ANKS1B: variants seen among roughly 807,000 people sequenced by gnomAD.
ANKS1B encodes ankyrin repeat and sterile alpha motif domain-containing protein 1B.
A neutral mutation model predicts 148.3 loss-of-function variants in ANKS1B; 36 were observed. The observed-to-expected ratio is 0.24, with a 90% CI of 0.19 to 0.32. ANKS1B has a LOEUF of 0.32. Ranked by LOEUF, ANKS1B falls within the 10% of genes least tolerant of loss-of-function variation. ANKS1B has a pLI of 1.00. For missense variants in ANKS1B, 1,157 were observed against 1,542.6 expected, an observed-to-expected ratio of 0.75 and a Z score of 4.19; for synonymous variants, 542 against 560.8, an observed-to-expected ratio of 0.97 and a Z score of 0.47.
chr12:99,872,273 A>G (rs142312062), intron 1 of ANKS1B, among the ~76,000 whole-genome samples: 64 of 152,238 alleles, frequency 4.2e-4, no homozygotes, highest in Middle Eastern at 6.8e-3. Context: ...TATACCAGTT[A>G]GAAAGAAGCA....
At chr12:99,776,525 T>C (rs1043013780) in intron 6 of ANKS1B, among the ~76,000 whole-genome samples, 1 of 152,208 alleles carries the variant, frequency 6.6e-6, no homozygotes, top group Non-Finnish European at 1.5e-5. Flanking sequence ...CATCTGAATG[T>C]AGAAATAAAT....
chr12:99,079,186 G>C (rs1017438836), intron 16 of ANKS1B, among the ~76,000 whole-genome samples: 2 of 152,142 alleles, frequency 1.3e-5, no homozygotes, highest in African/African-American at 4.8e-5. Flanking sequence ...CATTGTACCT[G>C]GATTCCTGAC....
Position 99,668,034 on chromosome 12 carries a change from T to A in ANKS1B, c.1129-12824A>T, listed in dbSNP as rs183369673. 6.6e-5 allele frequency among the ~76,000 whole-genome samples: 10 copies of A among 152,300 alleles called. No individual in the cohort carries two copies. In the East Asian group the frequency reaches 1.7e-3, roughly 26 times the overall value. ...TGAAATGTCTTTGTTATCACAGTAATGCTGACTTCATATAATAAATTGGGA... is the reference window on the plus strand; with the variant it reads ...TGAAATGTCTTTGTTATCACAGTAAAGCTGACTTCATATAATAAATTGGGA... On this transcript the variant is annotated intron_variant, in intron 8 of 26. Coordinates refer to ENST00000683438, the MANE Select transcript of ANKS1B (RefSeq NM_001352186.2).
intron 12 of ANKS1B, among the ~76,000 whole-genome samples, chr12:99,377,809 A>C (rs2093452652): frequency 6.6e-6 from 1 of 152,186 alleles, no homozygotes; most frequent in African/African-American, 2.4e-5. Context: ...CTCCCATCCC[A>C]TACTTTCTTC....
intron 9 of ANKS1B, among the ~76,000 whole-genome samples, chr12:99,516,269 C>A (rs562195677): frequency 6.6e-6 from 1 of 152,198 alleles, no homozygotes; most frequent in South Asian, 2.1e-4. Flanking sequence ...TTTCTTATGG[C>A]AGTTTCATAG....
chr12:99,347,030 C>T lies in ANKS1B; in HGVS notation c.1756+52601G>A, dbSNP rs1245173870. On this transcript the variant is annotated intron_variant, in intron 12 of 26. Coordinates refer to ENST00000683438, the MANE Select transcript of ANKS1B (RefSeq NM_001352186.2). ...GTTCTACCAGTGTGGGTCCTGGTAC[C>T]AGAGGGAGCAGAACAGATTTTGTTC... 3.3e-5 allele frequency among the ~76,000 whole-genome samples: 5 copies of T among 151,932 alleles called. No homozygotes were observed. In the East Asian group the frequency reaches 9.7e-4, roughly 29 times the overall value.
At chr12:99,134,946 A>G (rs556571824) in intron 15 of ANKS1B, among the ~76,000 whole-genome samples, 3 of 152,252 alleles carry the variant, frequency 2.0e-5, no homozygotes, top group East Asian at 1.9e-4. Flanking sequence ...ATCACAAACT[A>G]CAGTCATTAG....
At chr12:99,945,935 G>A (rs950241561) in intron 1 of ANKS1B, among the ~76,000 whole-genome samples, 12 of 152,098 alleles carry the variant, frequency 7.9e-5, no homozygotes, top group African/African-American at 2.2e-4. Flanking sequence ...TTGGCTCCCC[G>A]AACCTGCCAT....
At chr12:99,193,221 CA>C (rs1436183835) in intron 14 of ANKS1B, among the ~76,000 whole-genome samples, 1 of 151,830 alleles carries the variant, frequency 6.6e-6, no homozygotes, top group African/African-American at 2.4e-5. Flanking sequence ...GGCACTTTGG[CA>C]ATTGAGAAGA....
chr12:99,447,357 T>C (rs2095652832), intron 10 of ANKS1B, among the ~76,000 whole-genome samples: 1 of 152,072 alleles, frequency 6.6e-6, no homozygotes, highest in Non-Finnish European at 1.5e-5. Context: ...ATGTCTGTAC[T>C]TCCAGCTACT....
intron 9 of ANKS1B, among the ~76,000 whole-genome samples, chr12:99,551,147 G>C (rs1191413186): frequency 6.6e-6 from 1 of 152,220 alleles, no homozygotes; most frequent in East Asian, 1.9e-4. Context: ...ACTTTCAGTA[G>C]TGTAAACAAA....
intron 12 of ANKS1B, among the ~76,000 whole-genome samples, chr12:99,355,288 C>T (rs1396666870): frequency 6.6e-6 from 1 of 152,032 alleles, no homozygotes; most frequent in Non-Finnish European, 1.5e-5. Context: ...TGGGATAGTG[C>T]TAGAATTATT....
rs139041125 is a variant in ANKS1B, at chr12:99,503,961, C to G, written c.1438+515G>C. Among the ~76,000 whole-genome samples the G allele has an allele frequency of 5.6e-4, 86 of 152,232 alleles. 1 individual carries two copies. The highest frequency in any genetic ancestry group is 1.5e-3 in the Admixed American group (23 of 15,288). ...TTCAAGCATAGGCCCCACTATTGCTCTTAAAACTCTAATTTCTTTATCAGC... is the reference window on the plus strand; with the variant it reads ...TTCAAGCATAGGCCCCACTATTGCTGTTAAAACTCTAATTTCTTTATCAGC... On this transcript the variant is annotated intron_variant, in intron 10 of 26. Transcript: ENST00000683438.
chr12:98,757,558 C>A (rs1214268650), intron 25 of ANKS1B, among the ~76,000 whole-genome samples: 3 of 152,050 alleles, frequency 2.0e-5, no homozygotes, highest in Non-Finnish European at 4.4e-5. Context: ...CCACCCGGTC[C>A]CCTGGCTGCC....
At chr12:99,152,794 G>C (rs577911350) in intron 15 of ANKS1B, among the ~76,000 whole-genome samples, 52 of 152,190 alleles carry the variant, frequency 3.4e-4, no homozygotes, top group Admixed American at 1.6e-3. Flanking sequence ...ATATTGAAAT[G>C]TACAGTAAAC....
chr12:98,786,213 A>C (rs2098793016), intron 22 of ANKS1B, among the ~76,000 whole-genome samples: 2 of 152,234 alleles, frequency 1.3e-5, no homozygotes, highest in Non-Finnish European at 2.9e-5. Context: ...TTTTTCCAAG[A>C]GAAATGATAT....
At chr12:99,525,369 A>G (rs1165842425) in intron 9 of ANKS1B, among the ~76,000 whole-genome samples, 2 of 152,228 alleles carry the variant, frequency 1.3e-5, no homozygotes, top group Non-Finnish European at 2.9e-5. Flanking sequence ...CTTGACAAGT[A>G]AGCCTAAAGT....
chr12:98,840,775 A>C (rs2099401482), intron 17 of ANKS1B, among the ~76,000 whole-genome samples: 1 of 152,196 alleles, frequency 6.6e-6, no homozygotes, highest in Non-Finnish European at 1.5e-5. Context: ...ACAAAACAAA[A>C]CAATAAATCA....
At chr12:99,033,591 G>C (rs923214704) in intron 17 of ANKS1B, among the ~76,000 whole-genome samples, 5 of 151,950 alleles carry the variant, frequency 3.3e-5, no homozygotes, top group African/African-American at 1.2e-4. Flanking sequence ...TTGAACCCAG[G>C]AGGCAGAGGT....
Sources: gnomAD v4.1 joint callset for allele counts (sites outside exome capture counted in the v4.1 genomes callset) on GRCh38, gnomAD v4.1.1 for gene constraint, MANE v1.5 for transcripts, NCBI Gene and HGNC (gene_info 2026-07-23, HGNC 2026-07-21) for gene names.